Variants in WWOX observed in about 807,000 individuals in gnomAD.
The protein encoded by WWOX is WW domain-containing oxidoreductase.
In WWOX, 69 loss-of-function variants were observed where a neutral mutation model predicts 46.2. The observed-to-expected ratio is 1.49, with a 90% CI of 1.23 to 1.82. WWOX has a LOEUF of 1.82. Among genes scored for constraint, WWOX ranks in the 40% most tolerant of loss-of-function variants. WWOX has a pLI of 0.00. For synonymous variants in WWOX, 359 were observed against 202.6 expected (o/e 1.77, Z -6.56); for missense variants, 919 against 542.6 (o/e 1.69, Z -6.89).
chr16:78,662,376 T>G (rs1454349187), intron 8 of WWOX, among the ~76,000 whole-genome samples: 2 of 152,164 alleles, frequency 1.3e-5, no homozygotes, highest in Non-Finnish European at 2.9e-5. Context: ...GACATCTAGT[T>G]TTTTTCTCTT....
chr16:78,826,569 T>A (rs1446914656), intron 8 of WWOX, among the ~76,000 whole-genome samples: 2 of 152,232 alleles, frequency 1.3e-5, no homozygotes, highest in Admixed American at 6.5e-5. Flanking sequence ...CTTTCCTGTC[T>A]GCCTCAAATC....
chr16:78,105,260 G>C (rs1324525760), intron 1 of WWOX, among the ~76,000 whole-genome samples: 1 of 152,120 alleles, frequency 6.6e-6, no homozygotes, highest in African/African-American at 2.4e-5. Flanking sequence ...TCAGGAGTTC[G>C]AGACCTGCCT....
At chr16:78,306,892 C>T (rs757823354) in intron 5 of WWOX, among the ~76,000 whole-genome samples, 1 of 152,196 alleles carries the variant, frequency 6.6e-6, no homozygotes, top group Non-Finnish European at 1.5e-5. Context: ...GTGAACCCCA[C>T]TTGTGTAGTG....
intron 5 of WWOX, among the ~76,000 whole-genome samples, chr16:78,207,928 T>G (rs1290545033): frequency 6.6e-6 from 1 of 152,120 alleles, no homozygotes; most frequent in African/African-American, 2.4e-5. Context: ...TCCTCCTAGC[T>G]CAGCCTCCTG....
intron 5 of WWOX, among the ~76,000 whole-genome samples, chr16:78,376,098 C>T (rs1008122739): frequency 2.0e-5 from 3 of 152,174 alleles, no homozygotes; most frequent in African/African-American, 7.2e-5. Flanking sequence ...GATCCACCCG[C>T]TTCAGCCTCC....
intron 8 of WWOX, among the ~76,000 whole-genome samples, chr16:79,130,763 CAG>C (rs574953414): frequency 8.2e-4 from 125 of 152,352 alleles, no homozygotes; most frequent in African/African-American, 3.0e-3. Flanking sequence ...ATTACAGATG[CAG>C]AGTCTTCATC....
chr16:78,679,903 C>T (rs2047689721), intron 8 of WWOX, among the ~76,000 whole-genome samples: 2 of 152,180 alleles, frequency 1.3e-5, no homozygotes, highest in Non-Finnish European at 2.9e-5. Context: ...GCTTCCCAGA[C>T]ACTCCGTAAC....
At chr16:78,244,896 G>GA (rs1166980465) in intron 5 of WWOX, among the ~76,000 whole-genome samples, 1 of 152,046 alleles carries the variant, frequency 6.6e-6, no homozygotes, top group Non-Finnish European at 1.5e-5. Flanking sequence ...ATAAAAAAGG[G>GA]AAAATACTCC....
chr16:78,911,859 C>A (rs2045120791), intron 8 of WWOX, among the ~76,000 whole-genome samples: 1 of 151,992 alleles, frequency 6.6e-6, no homozygotes, highest in South Asian at 2.1e-4. Context: ...GAGCAGGACT[C>A]CATCTCAAAA....
rs2049497773 is a variant in WWOX, at chr16:79,115,457, G to A, written c.1057-96151G>A. Among the ~76,000 whole-genome samples the A allele has an allele frequency of 2.4e-5, 3 of 124,434 alleles. No homozygotes were observed. In the South Asian group the frequency reaches 7.9e-4, roughly 33 times the overall value. 81.6% of individuals were successfully genotyped at this position (124,434 alleles called of 152,430 possible). ...CCAGGACCCAAAACCCACAGGTGCT[G>A]CTCTTGTTATAAGCCAGCCACACAT... On this transcript the variant is annotated intron_variant, in intron 8 of 8. Coordinates refer to ENST00000566780, the MANE Select transcript of WWOX (RefSeq NM_016373.4).
intron 8 of WWOX, among the ~76,000 whole-genome samples, chr16:78,602,529 G>A (rs914139547): frequency 6.6e-6 from 1 of 152,082 alleles, no homozygotes; most frequent in Admixed American, 6.6e-5. Flanking sequence ...ACCACACCCG[G>A]CCTCTTCTCG....
At chr16:78,691,896 T>C (rs1415918990) in intron 8 of WWOX, among the ~76,000 whole-genome samples, 1 of 152,200 alleles carries the variant, frequency 6.6e-6, no homozygotes, top group African/African-American at 2.4e-5. Flanking sequence ...GGGAGGTAAT[T>C]GAATCATGGG....
At chr16:78,412,912 C>G (rs1199473022) in intron 6 of WWOX, among the ~76,000 whole-genome samples, 1 of 152,102 alleles carries the variant, frequency 6.6e-6, no homozygotes, top group African/African-American at 2.4e-5. Flanking sequence ...GTCCTTTTTT[C>G]TCTTCCCAGC....
intron 8 of WWOX, among the ~76,000 whole-genome samples, chr16:78,723,554 C>G (rs557541854): frequency 1.8e-5 from 2 of 108,546 alleles, no homozygotes; most frequent in African/African-American, 6.9e-5. Flanking sequence ...GATTCCCAGC[C>G]TTCTTTTCTT....
intron 5 of WWOX, among the ~76,000 whole-genome samples, chr16:78,382,956 A>G (rs2081986233): frequency 1.3e-5 from 2 of 151,812 alleles, no homozygotes; most frequent in South Asian, 4.2e-4. Context: ...GATAGGCCTT[A>G]GGAAACTTCC....
intron 4 of WWOX, among the ~76,000 whole-genome samples, chr16:78,140,030 C>G (rs979990319): frequency 8.5e-5 from 13 of 152,130 alleles, no homozygotes; most frequent in Non-Finnish European, 1.8e-4. Context: ...CAAGCAGGTT[C>G]TTGTAGGCAT....
At chr16:79,197,144 C>T (rs1394536998) in intron 8 of WWOX, among the ~76,000 whole-genome samples, 3 of 152,128 alleles carry the variant, frequency 2.0e-5, no homozygotes, top group Non-Finnish European at 4.4e-5. Context: ...GCTTAAAATT[C>T]ACAAGTCTGT....
chr16:79,026,447 C>T (rs1597295386), intron 8 of WWOX, among the ~76,000 whole-genome samples: 1 of 151,682 alleles, frequency 6.6e-6, no homozygotes, highest in Non-Finnish European at 1.5e-5. Flanking sequence ...AACTGTGTCC[C>T]CTTCCTTCTC....
intron 8 of WWOX, among the ~76,000 whole-genome samples, chr16:78,936,693 G>A (rs1042640449): frequency 7.9e-5 from 12 of 151,828 alleles, no homozygotes; most frequent in African/African-American, 2.9e-4. Context: ...TAGGTAAGGA[G>A]AGATTTCTGA....
Sources: allele counts gnomAD v4.1 joint callset (sites outside exome capture counted in the v4.1 genomes callset), GRCh38; gene constraint gnomAD v4.1.1; transcripts MANE v1.5; gene names NCBI Gene and HGNC (gene_info 2026-07-23, HGNC 2026-07-21).